Variants in SLC14A2 observed in about 807,000 individuals in gnomAD.
The protein encoded by SLC14A2 is solute carrier family 14 member 2.
SLC14A2 carries 91 observed loss-of-function variants against 104.6 expected under a neutral mutation model. The observed-to-expected ratio is 0.87, with a 90% CI of 0.73 to 1.04. The LOEUF (loss-of-function observed/expected upper bound fraction) is 1.04. Ranked by LOEUF, SLC14A2 falls within the 50% of genes least tolerant of loss-of-function variation. The pLI, the probability that SLC14A2 is intolerant of heterozygous loss-of-function variation, is 0.00. For synonymous variants in SLC14A2, 476 were observed against 466.4 expected (o/e 1.02, Z -0.27); for missense variants, 1,189 against 1,156.0 (o/e 1.03, Z -0.41).
chr18:45,453,551 T>A (rs184352811), intron 1 of SLC14A2, among the ~76,000 whole-genome samples: 66 of 152,298 alleles, frequency 4.3e-4, no homozygotes, highest in African/African-American at 1.4e-3. Flanking sequence ...AGTAATACAA[T>A]CCTGTCTTTA....
chr18:45,486,682 A>T (rs2087612650), intron 2 of SLC14A2, among the ~76,000 whole-genome samples: 1 of 152,194 alleles, frequency 6.6e-6, no homozygotes, highest in Non-Finnish European at 1.5e-5. Flanking sequence ...AGAGTTAGAC[A>T]AAGAAAAAGA....
At chr18:45,596,072 T>TC (rs1704705287) in intron 2 of SLC14A2, among the ~76,000 whole-genome samples, 1 of 152,074 alleles carries the variant, frequency 6.6e-6, no homozygotes, top group African/African-American at 2.4e-5. Context: ...ATAAAGACCC[T>TC]CCCCTTCCTC....
At chr18:45,649,887 G>C (rs1191296063) in intron 10 of SLC14A2, among the ~76,000 whole-genome samples, 1 of 152,208 alleles carries the variant, frequency 6.6e-6, no homozygotes, top group East Asian at 1.9e-4. Flanking sequence ...TGTCCTTTCT[G>C]TCTTCGGAGT....
rs1237275915 is a variant in SLC14A2, at chr18:45,235,811, G to GTA, written c.-125+22621_-125+22622insAT. On this transcript the variant is annotated intron_variant, in intron 1 of 20. Transcript: ENST00000586448. ...TGTGTATGCGCGTGTGTGTGTGTGT[G>GTA]TGTATATATATATATATATACGTGT... 5.7e-4 allele frequency among the ~76,000 whole-genome samples: 58 copies of GTA among 101,086 alleles called. 2 individuals carry two copies. The highest frequency in any genetic ancestry group is 7.6e-4 in the Non-Finnish European group (39 of 51,228). 66.3% of individuals were successfully genotyped at this position (101,086 alleles called of 152,430 possible). A position where few individuals can be genotyped will look rare whatever the true frequency, so the allele number is the denominator to read the frequency against.
chr18:45,464,856 C>T (rs1001843314), intron 1 of SLC14A2, among the ~76,000 whole-genome samples: 3 of 152,156 alleles, frequency 2.0e-5, no homozygotes, highest in Non-Finnish European at 4.4e-5. Flanking sequence ...TGCCAACCTC[C>T]AGATAATTGC....
At chr18:45,503,355 T>TC (rs2043229260) in intron 2 of SLC14A2, among the ~76,000 whole-genome samples, 1 of 152,174 alleles carries the variant, frequency 6.6e-6, no homozygotes, top group African/African-American at 2.4e-5. Context: ...AATGGGGTCA[T>TC]CCCATGCTCT....
In SLC14A2 at chr18:45,418,274, G is replaced by A. The variant is rs146585012; in HGVS notation, c.-124-64959G>A. Among the ~76,000 whole-genome samples the A allele has an allele frequency of 3.9e-5, 6 of 152,328 alleles. No homozygotes were observed. The East Asian group carries it at 7.7e-4, about 20-fold the overall frequency. ...AGCTTGGAGGGAGACGAGACATAAAGAACCTGGATAGTTACTGCACTCTTA... is the reference window on the plus strand; with the variant it reads ...AGCTTGGAGGGAGACGAGACATAAAAAACCTGGATAGTTACTGCACTCTTA... On this transcript the variant is annotated intron_variant, in intron 1 of 20. Coordinates refer to the SLC14A2 transcript ENST00000586448.
At chr18:45,338,682 C>CAA (rs59474827) in intron 1 of SLC14A2, among the ~76,000 whole-genome samples, 662 of 51,750 alleles carry the variant, frequency 0.013, 115 homozygotes, top group African/African-American at 0.031. Context: ...CACTGGCTCA[C>CAA]AAAAAAAAAA....
At chr18:45,446,413 C>A (rs921112847) in intron 1 of SLC14A2, among the ~76,000 whole-genome samples, 1 of 152,130 alleles carries the variant, frequency 6.6e-6, no homozygotes, top group African/African-American at 2.4e-5. Flanking sequence ...CACATAAGAA[C>A]ACAGTGAGAA....
chr18:45,414,757 A>AAATATATATAGATAT (rs1360051908), intron 1 of SLC14A2, among the ~76,000 whole-genome samples: 1 of 76,124 alleles, frequency 1.3e-5, no homozygotes. Flanking sequence ...AAAAAAAAAA[A>AAATATATATAGATAT]ATATATATAT....
At chr18:45,565,315 G>T (rs1407483886) in intron 2 of SLC14A2, among the ~76,000 whole-genome samples, 1 of 152,060 alleles carries the variant, frequency 6.6e-6, no homozygotes, top group East Asian at 1.9e-4. Flanking sequence ...TAGTAGAGAT[G>T]GGGTTTCACT....
intron 1 of SLC14A2, among the ~76,000 whole-genome samples, chr18:45,306,448 C>T (rs1337051530): frequency 6.6e-6 from 1 of 152,118 alleles, no homozygotes; most frequent in East Asian, 1.9e-4. Context: ...AGCTACCGGA[C>T]CCTGCCCTCG....
chr18:45,584,864 G>T (rs906850560), intron 2 of SLC14A2, among the ~76,000 whole-genome samples: 8 of 152,204 alleles, frequency 5.3e-5, no homozygotes, highest in African/African-American at 1.9e-4. Context: ...AATGTTAAGT[G>T]CTGGAATCGG....
chr18:45,206,794 C>T, the SLC14A2 span, among the ~76,000 whole-genome samples: 1 of 152,120 alleles, frequency 6.6e-6, no homozygotes, highest in Non-Finnish European at 1.5e-5. Context: ...GCTAAGGATA[C>T]CTACAGGGTG....
the SLC14A2 span, among the ~76,000 whole-genome samples, chr18:45,204,231 G>C: frequency 2.0e-5 from 3 of 152,296 alleles, no homozygotes; most frequent in African/African-American, 7.2e-5. Context: ...TCAACCTCTT[G>C]AGGCTCCCGT....
chr18:45,291,172 A>G (rs2084865559), intron 1 of SLC14A2, among the ~76,000 whole-genome samples: 1 of 152,156 alleles, frequency 6.6e-6, no homozygotes, highest in Non-Finnish European at 1.5e-5. Flanking sequence ...ATTACTACTG[A>G]TATATAGTCA....
chr18:45,649,172 TCAAAAACAAAAAA>T (rs2045684685), intron 10 of SLC14A2, among the ~76,000 whole-genome samples: 2 of 116,850 alleles, frequency 1.7e-5, no homozygotes, highest in African/African-American at 3.8e-5. Context: ...AGACTCTGTC[TCAAAAACAAAAAA>T]CAAAAACAAA....
At chr18:45,668,112 C>A in intron 14 of SLC14A2, 90 bp downstream of exon 14, 2 of 1,317,836 alleles carry the variant, frequency 1.5e-6, no homozygotes, top group Non-Finnish European at 2.1e-6. Flanking sequence ...GAGAAATCCT[C>A]AAAATAAGGA....
At chr18:45,297,132 T>A (rs1465130279) in intron 1 of SLC14A2, among the ~76,000 whole-genome samples, 1 of 152,214 alleles carries the variant, frequency 6.6e-6, no homozygotes, top group Non-Finnish European at 1.5e-5. Context: ...AAGAAAGATA[T>A]TGGACATTAA....
Sources: gnomAD v4.1 joint callset for allele counts (sites outside exome capture counted in the v4.1 genomes callset) on GRCh38, gnomAD v4.1.1 for gene constraint, MANE v1.5 for transcripts, NCBI Gene and HGNC (gene_info 2026-07-23, HGNC 2026-07-21) for gene names.